AP4B1: variants seen among roughly 807,000 people sequenced by gnomAD.
AP4B1 encodes the protein adaptor related protein complex 4 subunit beta 1, also known as AP-4 complex subunit beta-1.
AP4B1 carries 49 observed loss-of-function variants against 76.5 expected under a neutral mutation model. That is an observed-to-expected ratio of 0.64 (90% CI 0.51 to 0.81). AP4B1 has a LOEUF of 0.81. AP4B1 is among the 40% of genes least tolerant of loss of function. AP4B1 has a pLI of 0.00. For missense variants in AP4B1, 911 were observed against 904.9 expected (o/e 1.01, Z -0.09); for synonymous variants, 330 against 333.3 (o/e 0.99, Z 0.11).
In AP4B1 at chr1:113,902,694, G is replaced by A. The variant is rs1558095593; in HGVS notation, c.282C>T (p.Cys94=). The A allele has an allele frequency of 1.2e-6, 2 of 1,614,012 alleles. No homozygotes were observed. Among genetic ancestry groups the A allele is most frequent in the African/African-American group, 1.3e-5 (1 of 74,938 alleles). ...CTCGCACCATTGGATTGGGGTCTGA[G>A]CAGTCTTTGCACAGCGTATTGATGG... ...LLAINTLCKD[C]SDPNPMVRGL... is the part of the protein sequence containing the mutation. The change falls in exon 2 of 10, where the codon TGC becomes TGT. Residue 94 remains cysteine, a synonymous_variant. Transcript: ENST00000369569.
Position 113,894,988 on chromosome 1 carries a change from T to TA in AP4B1, c.*76dup, listed in dbSNP as rs1222979476. 8.3e-5 allele frequency: 120 copies of TA among 1,446,084 alleles called. No homozygotes were observed. Among genetic ancestry groups the TA allele is most frequent in the Non-Finnish European group, 1.1e-4 (118 of 1,054,482 alleles). The allele number at this position is 1,446,084 out of a possible 1,614,324, so 89.6% of individuals were successfully genotyped here. A position where few individuals can be genotyped will look rare whatever the true frequency, so the allele number is the denominator to read the frequency against. On this transcript the variant is annotated 3_prime_UTR_variant, in exon 10 of 10. Transcript: ENST00000369569. ...CTTTGTATCTGATATTATCTGGACT[T>TA]ACTGGCAGCTCTAATAGGAAAGACT...
intron 1 of AP4B1, among the ~76,000 whole-genome samples, chr1:113,904,016 A>G (rs1251996665): frequency 1.3e-5 from 2 of 152,192 alleles, no homozygotes; most frequent in Non-Finnish European, 2.9e-5. Flanking sequence ...TCTGTCTCAA[A>G]TGAGGCAAAG....
chr1:113,896,044 G>A lies in AP4B1; in HGVS notation c.1511-6C>T, dbSNP rs759015795. ...AGCCATATCTTTTTCTTCCTCTGAGGTAAGACAACAGATTGACTTCATTAA... is the reference window on the plus strand; with the variant it reads ...AGCCATATCTTTTTCTTCCTCTGAGATAAGACAACAGATTGACTTCATTAA... On this transcript the variant is annotated splice_polypyrimidine_tract_variant and splice_region_variant and intron_variant, in intron 8 of 9. Coordinates refer to ENST00000369569, the MANE Select transcript of AP4B1 (RefSeq NM_001253852.3). 1.2e-6 allele frequency: 2 copies of A among 1,614,140 alleles called. No homozygotes were observed. Among genetic ancestry groups the A allele is most frequent in the Admixed American group, 1.7e-5 (1 of 60,022 alleles).
At chr1:113,903,171 T>G (rs1668521777) in intron 1 of AP4B1, among the ~76,000 whole-genome samples, 1 of 152,232 alleles carries the variant, frequency 6.6e-6, no homozygotes, top group Non-Finnish European at 1.5e-5. Flanking sequence ...GTTCAAGCGA[T>G]TCTCCTGCCT....
chr1:113,900,535 G>C lies in AP4B1; in HGVS notation c.618-135C>G, dbSNP rs1668106579. 5.5e-6 allele frequency: 6 copies of C among 1,096,302 alleles called. No individual in the cohort carries two copies. The South Asian group carries it at 7.6e-5, about 14-fold the overall frequency. 67.9% of individuals were successfully genotyped at this position (1,096,302 alleles called of 1,614,324 possible). On this transcript the variant is annotated intron_variant, in intron 4 of 9. Transcript: ENST00000369569. ...TAAAAATAGGCTGTGCCATAATTAA[G>C]TCACTTTTCATGTACTATTTAAAGT... is the stretch of plus-strand genomic sequence containing the variant.
At chr1:113,904,941 C>G (rs1214701152), upstream of AP4B1, 3 of 528,694 alleles carry the variant, frequency 5.7e-6, no homozygotes, top group Non-Finnish European at 6.9e-6. Context: ...TCAGGCCCTA[C>G]CGTCGGCCGG....
At position 113,894,912 on chromosome 1, in the gene AP4B1, T is replaced by A; in HGVS notation, c.*153A>T. 5 of 817,124 alleles carry A rather than the reference T, an allele frequency of 6.1e-6. No individual in the cohort carries two copies. The highest frequency in any genetic ancestry group is 9.4e-6 in the Non-Finnish European group (5 of 530,870). The allele number at this position is 817,124 out of a possible 1,614,324, so 50.6% of individuals were successfully genotyped here. ...AATAGGAATGAAAGGAATGAATCAATGTTCTTTGGCCAAAAACTTAAGAAT... is the reference window on the plus strand; with the variant it reads ...AATAGGAATGAAAGGAATGAATCAAAGTTCTTTGGCCAAAAACTTAAGAAT... On this transcript the variant is annotated 3_prime_UTR_variant, in exon 10 of 10. Coordinates refer to ENST00000369569, the MANE Select transcript of AP4B1 (RefSeq NM_001253852.3).
At chr1:113,900,639 G>A in intron 4 of AP4B1, 1 of 559,388 alleles carries the variant, frequency 1.8e-6, no homozygotes, top group Non-Finnish European at 3.1e-6. Flanking sequence ...GACATGATCA[G>A]CATACACTGG....
At position 113,902,570 on chromosome 1, in the gene AP4B1, A is replaced by T; in HGVS notation, c.338+68T>A. The T allele has an allele frequency of 2.0e-6, 3 of 1,506,124 alleles. No individual in the cohort carries two copies. The South Asian group carries it at 3.4e-5, about 17-fold the overall frequency. The allele number at this position is 1,506,124 out of a possible 1,614,324, so 93.3% of individuals were successfully genotyped here. The stretch of plus-strand genomic sequence containing the variant: ...GGAGCTCAAATAAATTATCCTCTTT[A>T]AAAACCTACCCTGTGATCACTTGAA... On this transcript the variant is annotated intron_variant, in intron 2 of 9. Transcript: ENST00000369569.
intron 7 of AP4B1, chr1:113,897,370 C>G (rs1667620930): frequency 1.6e-5 from 3 of 193,310 alleles, no homozygotes; most frequent in Non-Finnish European, 3.3e-5. Context: ...GGTGGGTGAT[C>G]ACTTGAGGCT....
intron 6 of AP4B1, among the ~76,000 whole-genome samples, chr1:113,898,463 G>C (rs975697676): frequency 6.6e-6 from 1 of 152,190 alleles, no homozygotes; most frequent in African/African-American, 2.4e-5. Context: ...GAGAAGTAAA[G>C]ATGGTGAAAT....
chr1:113,904,344 G>C (rs963807000), intron 1 of AP4B1, among the ~76,000 whole-genome samples: 1 of 152,182 alleles, frequency 6.6e-6, no homozygotes, highest in Non-Finnish European at 1.5e-5. Context: ...AGCTAAAAAA[G>C]GAAGTCTGTA....
At chr1:113,899,834 G>A in intron 5 of AP4B1, 70 bp downstream of exon 5, 1 of 1,612,120 alleles carries the variant, frequency 6.2e-7, no homozygotes, top group Non-Finnish European at 8.5e-7. Context: ...TGCTCTCTAT[G>A]GTTCCTCTAA....
At chr1:113,898,221 G>A (rs1667733679) in intron 6 of AP4B1, among the ~76,000 whole-genome samples, 1 of 152,218 alleles carries the variant, frequency 6.6e-6, no homozygotes, top group Non-Finnish European at 1.5e-5. Context: ...GGGTAGTATT[G>A]CTGTTGAATG....
In AP4B1 at chr1:113,895,928, T is replaced by A. The variant is rs747204834; in HGVS notation, c.1621A>T (p.Thr541Ser). The change falls in exon 9 of 10, where the codon ACT becomes TCT. Residue 541 changes from threonine to serine, a missense_variant. Coordinates refer to ENST00000369569, the MANE Select transcript of AP4B1 (RefSeq NM_001253852.3). The part of the protein sequence containing the change: ...RILCSPKSDP[T>S]LGLLEDPAER... ...GCCGGATCCTCCAAAAGTCCAAGAG[T>A]AGGGTCAGATTTAGGGCTACACAGA... The A allele has an allele frequency of 6.2e-7, 1 of 1,613,882 alleles. No homozygotes were observed. Among genetic ancestry groups the A allele is most frequent in the Non-Finnish European group, 8.5e-7 (1 of 1,179,998 alleles).
At chr1:113,904,833 C>A (rs1668771987), upstream of AP4B1, 1 of 934,374 alleles carries the variant, frequency 1.1e-6, no homozygotes, top group Non-Finnish European at 1.7e-6. Context: ...ATACAAAAGG[C>A]GAGATCTCGC....
chr1:113,895,569 G>A, intron 9 of AP4B1, 77 bp from the exon 10 acceptor site: 3 of 1,577,434 alleles, frequency 1.9e-6, no homozygotes, highest in East Asian at 2.2e-5. Context: ...ATTCCCAAAT[G>A]TACACAATGT....
chr1:113,904,901 C>T (rs1384584091), upstream of AP4B1: 1 of 612,002 alleles, frequency 1.6e-6, no homozygotes, highest in Non-Finnish European at 3.0e-6. Flanking sequence ...CCACGCCCTC[C>T]GCGACACCGC....
chr1:113,896,492 T>A, intron 7 of AP4B1, 27 bp from the exon 8 acceptor site: 1 of 1,608,700 alleles, frequency 6.2e-7, no homozygotes, highest in Non-Finnish European at 8.5e-7. Context: ...TAAGAGCAAG[T>A]GCTCAACACT....
Sources: gnomAD v4.1 joint callset for allele counts (sites outside exome capture counted in the v4.1 genomes callset) on GRCh38, gnomAD v4.1.1 for gene constraint, MANE v1.5 for transcripts, NCBI Gene and HGNC (gene_info 2026-07-23, HGNC 2026-07-21) for gene names.